The following TANC2 variants were observed in gnomAD, a reference collection of about 807,000 sequenced individuals.
TANC2 encodes protein TANC2.
Under a neutral mutation model 210.5 loss-of-function variants are expected in TANC2, and 26 were observed. The ratio of observed to expected loss-of-function variants is 0.12; its 90% confidence interval spans 0.09 to 0.17. TANC2 has a LOEUF of 0.17. Among genes scored for constraint, TANC2 ranks in the 10% least tolerant of loss-of-function variants. The pLI, the probability that TANC2 is intolerant of heterozygous loss-of-function variation, is 1.00. For synonymous variants in TANC2, 931 were observed against 967.1 expected (o/e 0.96, Z 0.69); for missense variants, 2,129 against 2,608.9 (o/e 0.82, Z 4.01).
At chr17:63,215,898 C>T (rs1268192268) in intron 7 of TANC2, among the ~76,000 whole-genome samples, 4 of 151,504 alleles carry the variant, frequency 2.6e-5, no homozygotes, top group Non-Finnish European at 5.9e-5. Flanking sequence ...TACAGGCGTC[C>T]GCCACCACGC....
chr17:63,248,169 C>G (rs1365614486), intron 8 of TANC2, among the ~76,000 whole-genome samples: 1 of 152,034 alleles, frequency 6.6e-6, no homozygotes, highest in Non-Finnish European at 1.5e-5. Context: ...AGGGTCTGCT[C>G]TTTTCATTTA....
At chr17:63,390,082 G>C (rs1197032558) in intron 17 of TANC2, 1 of 157,878 alleles carries the variant, frequency 6.3e-6, no homozygotes, top group African/African-American at 2.4e-5. Context: ...AAGTGCTTCT[G>C]TTAGTACTGA....
At chr17:63,001,368 T>C (rs1022853919) in intron 1 of TANC2, among the ~76,000 whole-genome samples, 28 of 152,282 alleles carry the variant, frequency 1.8e-4, no homozygotes, top group African/African-American at 6.7e-4. Context: ...TGAAACTTAC[T>C]TTTATTATGC....
intron 1 of TANC2, among the ~76,000 whole-genome samples, chr17:63,000,131 G>GTGT (rs2033306873): frequency 6.6e-6 from 1 of 152,144 alleles, no homozygotes; most frequent in Non-Finnish European, 1.5e-5. Context: ...ATTAGATACT[G>GTGT]TGTTTATTAC....
At chr17:63,161,260 G>T (rs1217143255) in intron 5 of TANC2, among the ~76,000 whole-genome samples, 1 of 152,168 alleles carries the variant, frequency 6.6e-6, no homozygotes, top group Non-Finnish European at 1.5e-5. Context: ...TACTTGGGGG[G>T]TTGAGGTGGG....
chr17:63,084,030 C>T (rs564668226), intron 3 of TANC2, among the ~76,000 whole-genome samples: 1 of 152,232 alleles, frequency 6.6e-6, no homozygotes, highest in African/African-American at 2.4e-5. Context: ...TCTGCTTCTA[C>T]CTTTTGAAAA....
intron 3 of TANC2, among the ~76,000 whole-genome samples, chr17:63,076,047 A>G (rs898785989): frequency 6.6e-6 from 1 of 152,150 alleles, no homozygotes; most frequent in Admixed American, 6.5e-5. Flanking sequence ...CAACAAAACA[A>G]CCTCGAGAGG....
chr17:63,101,424 C>G (rs1218834149), intron 4 of TANC2, among the ~76,000 whole-genome samples: 1 of 152,172 alleles, frequency 6.6e-6, no homozygotes, highest in East Asian at 1.9e-4. Context: ...ATATTACCAA[C>G]CAAACTGAAT....
chr17:63,087,013 G>T (rs2036995442), intron 3 of TANC2, among the ~76,000 whole-genome samples: 1 of 152,174 alleles, frequency 6.6e-6, no homozygotes, highest in Non-Finnish European at 1.5e-5. Flanking sequence ...CCCTTTCTGT[G>T]CTGTGGAAGC....
intron 7 of TANC2, among the ~76,000 whole-genome samples, chr17:63,205,366 A>AC (rs1327943978): frequency 8.8e-5 from 13 of 148,336 alleles, no homozygotes; most frequent in African/African-American, 3.2e-4. Context: ...AAAAAAAAAA[A>AC]AAAAAACCTC....
At chr17:62,975,555 A>AT (rs397857262) in intron 1 of TANC2, among the ~76,000 whole-genome samples, 2,756 of 140,706 alleles carry the variant, frequency 0.02, 43 homozygotes, top group African/African-American at 0.037. Context: ...TTTTTTTTTA[A>AT]TTTTTTTTTT....
chr17:63,265,467 T>A (rs1361427471), intron 8 of TANC2, among the ~76,000 whole-genome samples: 2 of 152,188 alleles, frequency 1.3e-5, no homozygotes, highest in Non-Finnish European at 2.9e-5. Context: ...ACATATGAAT[T>A]GGAATCTATA....
chr17:63,021,398 A>C (rs980623908), intron 2 of TANC2, among the ~76,000 whole-genome samples: 1 of 152,108 alleles, frequency 6.6e-6, no homozygotes, highest in Admixed American at 6.6e-5. Context: ...CTTTCTTGTG[A>C]GACTGCATTA....
intron 2 of TANC2, among the ~76,000 whole-genome samples, chr17:63,023,215 T>C (rs982725019): frequency 6.6e-6 from 1 of 152,146 alleles, no homozygotes; most frequent in Non-Finnish European, 1.5e-5. Context: ...CTCTATCCTG[T>C]GAGAACAGTT....
intron 1 of TANC2, among the ~76,000 whole-genome samples, chr17:62,993,458 G>A (rs2032966542): frequency 6.6e-6 from 1 of 152,120 alleles, no homozygotes; most frequent in Admixed American, 6.5e-5. Flanking sequence ...CCATGGACAT[G>A]GATGTCTTTC....
chr17:63,121,797 A>T (rs1268392201), intron 4 of TANC2, among the ~76,000 whole-genome samples: 1 of 152,092 alleles, frequency 6.6e-6, no homozygotes, highest in Non-Finnish European at 1.5e-5. Context: ...GTATCATTTT[A>T]AAAATAGAAA....
chr17:63,025,816 T>TAAAATAAAATAAAA (rs1188831436), intron 2 of TANC2, among the ~76,000 whole-genome samples: 3 of 107,850 alleles, frequency 2.8e-5, no homozygotes, highest in African/African-American at 1.7e-4. Flanking sequence ...TAAAATAAAA[T>TAAAATAAAATAAAA]TAAATTAAAA....
At chr17:63,305,462 T>C (rs73325725) in intron 9 of TANC2, 3,208 of 152,320 alleles carry the variant, frequency 0.021, 105 homozygotes, top group African/African-American at 0.072. Context: ...CACAGTGTTA[T>C]GGTTCTTTTC....
chr17:63,101,511 A>G (rs1419708690), intron 4 of TANC2, among the ~76,000 whole-genome samples: 1 of 152,154 alleles, frequency 6.6e-6, no homozygotes, highest in African/African-American at 2.4e-5. Context: ...GCACAGTTAA[A>G]AGCAGTTTGC....
Sources: gnomAD v4.1 joint callset for allele counts (sites outside exome capture counted in the v4.1 genomes callset) on GRCh38, gnomAD v4.1.1 for gene constraint, MANE v1.5 for transcripts, NCBI Gene and HGNC (gene_info 2026-07-23, HGNC 2026-07-21) for gene names.